ITPR1: variants seen among roughly 807,000 people sequenced by gnomAD.
The protein encoded by ITPR1 is inositol 1,4,5-trisphosphate-gated calcium channel ITPR1.
In ITPR1, 96 loss-of-function variants were observed where a neutral mutation model predicts 318.4. That is an observed-to-expected ratio of 0.30 (90% CI 0.26 to 0.36). The LOEUF (loss-of-function observed/expected upper bound fraction) is 0.36. Among genes scored for constraint, ITPR1 ranks in the 10% least tolerant of loss-of-function variants. ITPR1 has a pLI of 1.00. For missense variants in ITPR1, 2,440 were observed against 3,460.2 expected (o/e 0.71, Z 7.40); for synonymous variants, 1,312 against 1,289.9 (o/e 1.02, Z -0.37).
intron 4 of ITPR1, among the ~76,000 whole-genome samples, chr3:4,547,811 G>T (rs1029560891): frequency 2.0e-5 from 3 of 152,108 alleles, no homozygotes; most frequent in Non-Finnish European, 4.4e-5. Context: ...CCCTCCTCAG[G>T]ACTTAGTGGG....
intron 4 of ITPR1, among the ~76,000 whole-genome samples, chr3:4,603,383 C>T (rs1283049040): frequency 6.6e-6 from 1 of 151,940 alleles, no homozygotes; most frequent in East Asian, 1.9e-4. Context: ...GCCCTCACTC[C>T]CTGGTCCATA....
chr3:4,734,833 T>C (rs1019304306), intron 43 of ITPR1, among the ~76,000 whole-genome samples: 2 of 152,276 alleles, frequency 1.3e-5, no homozygotes, highest in Non-Finnish European at 2.9e-5. Flanking sequence ...AAACCAGTTC[T>C]GAACTCTGCC....
At chr3:4,722,537 G>GTAT (rs1314185631) in intron 40 of ITPR1, among the ~76,000 whole-genome samples, 5 of 152,118 alleles carry the variant, frequency 3.3e-5, no homozygotes, top group East Asian at 3.9e-4. Context: ...TTTCCTTGGG[G>GTAT]TATTATACAT....
At chr3:4,694,712 G>T (rs901174761) in intron 33 of ITPR1, among the ~76,000 whole-genome samples, 2 of 152,192 alleles carry the variant, frequency 1.3e-5, no homozygotes, top group Non-Finnish European at 2.9e-5. Context: ...CATGGAAAAG[G>T]TCCAGTAAAA....
chr3:4,697,369 A>T, intron 34 of ITPR1, 97 bp downstream of exon 34: 1 of 1,183,872 alleles, frequency 8.4e-7, no homozygotes. Context: ...CTTTGTGCAC[A>T]CATGAAGAAA....
At chr3:4,671,382 T>TCTA (rs2094077611) in intron 20 of ITPR1, 1 of 153,916 alleles carries the variant, frequency 6.5e-6, no homozygotes, top group South Asian at 2.1e-4. Flanking sequence ...TACACATATA[T>TCTA]CTACACATTC....
At chr3:4,561,041 A>C (rs1042677562) in intron 4 of ITPR1, among the ~76,000 whole-genome samples, 1 of 152,208 alleles carries the variant, frequency 6.6e-6, no homozygotes, top group South Asian at 2.1e-4. Flanking sequence ...GGAGATGTCC[A>C]TAGAACGAGG....
At chr3:4,619,067 T>C (rs998007928) in intron 4 of ITPR1, among the ~76,000 whole-genome samples, 1 of 152,232 alleles carries the variant, frequency 6.6e-6, no homozygotes, top group African/African-American at 2.4e-5. Flanking sequence ...TTCTTTTTAG[T>C]CAGTGTTTTT....
chr3:4,634,684 A>G (rs940453170), intron 5 of ITPR1, among the ~76,000 whole-genome samples: 7 of 152,152 alleles, frequency 4.6e-5, no homozygotes, highest in African/African-American at 1.4e-4. Flanking sequence ...TTTTATTTTG[A>G]TGTTTTCCCT....
At chr3:4,672,045 G>A (rs1335971247) in intron 20 of ITPR1, among the ~76,000 whole-genome samples, 2 of 152,178 alleles carry the variant, frequency 1.3e-5, no homozygotes, top group East Asian at 1.9e-4. Context: ...ACTGTTGGAT[G>A]ATATTCTGTT....
chr3:4,572,430 G>GTA (rs1326790998), intron 4 of ITPR1, among the ~76,000 whole-genome samples: 1 of 151,920 alleles, frequency 6.6e-6, no homozygotes, highest in African/African-American at 2.4e-5. Context: ...TTCTAATATA[G>GTA]TATATATATT....
intron 2 of ITPR1, among the ~76,000 whole-genome samples, chr3:4,502,628 A>C (rs2081105048): frequency 6.6e-6 from 1 of 151,738 alleles, no homozygotes; most frequent in South Asian, 2.1e-4. Context: ...TTTAGTAGAG[A>C]TGGGATTTCA....
At chr3:4,603,325 G>A (rs2091438817) in intron 4 of ITPR1, among the ~76,000 whole-genome samples, 1 of 152,140 alleles carries the variant, frequency 6.6e-6, no homozygotes, top group Non-Finnish European at 1.5e-5. Context: ...TTTGGGGTAT[G>A]AATGATCACC....
chr3:4,581,903 T>G (rs2089382710), intron 4 of ITPR1, among the ~76,000 whole-genome samples: 1 of 152,124 alleles, frequency 6.6e-6, no homozygotes, highest in Admixed American at 6.5e-5. Context: ...AAAGAAATAG[T>G]CTGTTTGGGT....
intron 41 of ITPR1, among the ~76,000 whole-genome samples, chr3:4,726,534 A>T (rs372902876): frequency 3.3e-4 from 51 of 152,360 alleles, no homozygotes; most frequent in African/African-American, 1.2e-3. Flanking sequence ...TTTATTTGAA[A>T]GAAGACTTAA....
chr3:4,645,372 G>C lies in ITPR1; in HGVS notation c.625-15G>C. 1 of 1,590,176 alleles carries C rather than the reference G, an allele frequency of 6.3e-7. No individual in the cohort carries two copies. The highest frequency in any genetic ancestry group is 8.6e-7 in the Non-Finnish European group (1 of 1,159,348). On this transcript the variant is annotated splice_polypyrimidine_tract_variant and intron_variant, in intron 8 of 61. Coordinates refer to ENST00000649015, the MANE Select transcript of ITPR1 (RefSeq NM_001378452.1). The stretch of plus-strand genomic sequence containing the variant: ...TGAGGGGTACGTGAAAAAATAACTC[G>C]AATCTGTGTTTCAGGTCAATTCCGT...
At chr3:4,501,680 A>C (rs1006383151) in intron 2 of ITPR1, among the ~76,000 whole-genome samples, 4 of 152,232 alleles carry the variant, frequency 2.6e-5, no homozygotes, top group African/African-American at 9.6e-5. Flanking sequence ...GCTAATCACC[A>C]ACCTGAGGTG....
chr3:4,704,199 G>T (rs1256828483), intron 36 of ITPR1, among the ~76,000 whole-genome samples: 1 of 152,176 alleles, frequency 6.6e-6, no homozygotes, highest in Non-Finnish European at 1.5e-5. Flanking sequence ...GATCACCTGA[G>T]GTTGGGAGTT....
intron 4 of ITPR1, among the ~76,000 whole-genome samples, chr3:4,573,066 C>A (rs1024756699): frequency 1.3e-5 from 2 of 152,172 alleles, no homozygotes; most frequent in Admixed American, 6.5e-5. Flanking sequence ...GTGCAAATCT[C>A]TTTGAGACCC....
Sources: gnomAD v4.1 joint callset for allele counts (sites outside exome capture counted in the v4.1 genomes callset) on GRCh38, gnomAD v4.1.1 for gene constraint, MANE v1.5 for transcripts, NCBI Gene and HGNC (gene_info 2026-07-23, HGNC 2026-07-21) for gene names.